Variants in RYR3 observed in about 807,000 individuals in gnomAD.
RYR3 encodes the protein brain ryanodine receptor-calcium release channel.
In RYR3, 207 loss-of-function variants were observed where a neutral mutation model predicts 584.3. The observed-to-expected ratio is 0.35, with a 90% CI of 0.32 to 0.40. RYR3 has a LOEUF of 0.40. RYR3 is among the 10% of genes least tolerant of loss of function. The pLI, the probability that RYR3 is intolerant of heterozygous loss-of-function variation, is 1.00. For missense variants in RYR3, 5,616 were observed against 6,089.2 expected (o/e 0.92, Z 2.59); for synonymous variants, 2,416 against 2,248.5 (o/e 1.07, Z -2.11).
intron 3 of RYR3, among the ~76,000 whole-genome samples, chr15:33,504,149 G>A (rs1256868535): frequency 2.6e-5 from 4 of 152,218 alleles, no homozygotes; most frequent in Admixed American, 6.5e-5. Flanking sequence ...AGTTACAACA[G>A]TTCAAACATG....
rs187558145 is a variant in RYR3, at chr15:33,344,580, G to T, written c.51+33484G>T. Among the ~76,000 whole-genome samples, 1,115 of 152,108 alleles carry T rather than the reference G, an allele frequency of 7.3e-3. 14 individuals are homozygous for T. Among genetic ancestry groups the T allele is most frequent in the African/African-American group, 0.026 (1,065 of 41,496 alleles). Reference sequence around the variant, plus strand: ...TAATTTTCCCAGGTGGAGTGTTTTTGTTCTGGGTGGTTCTTAAGACTACCA... The same window carrying T: ...TAATTTTCCCAGGTGGAGTGTTTTTTTTCTGGGTGGTTCTTAAGACTACCA... On this transcript the variant is annotated intron_variant, in intron 1 of 103. Transcript: ENST00000634891.
intron 3 of RYR3, among the ~76,000 whole-genome samples, chr15:33,516,270 C>G (rs537610809): frequency 2.6e-5 from 4 of 152,122 alleles, no homozygotes; most frequent in East Asian, 1.9e-4. Context: ...GCATGCCCCC[C>G]CCGAAATGAT....
chr15:33,601,559 C>G lies in RYR3; in HGVS notation c.1922+7C>G. Reference sequence around the variant, plus strand: ...TGATTAACGATGTAACCAGGTAAGGCCACCACCACCATTCCAAATGCCAAG... The same window carrying G: ...TGATTAACGATGTAACCAGGTAAGGGCACCACCACCATTCCAAATGCCAAG... On this transcript the variant is annotated splice_region_variant and intron_variant, in intron 17 of 103. Transcript: ENST00000634891. 11 of 1,598,128 alleles carry G rather than the reference C, an allele frequency of 6.9e-6. No individual in the cohort carries two copies. The highest frequency in any genetic ancestry group is 9.4e-6 in the Non-Finnish European group (11 of 1,166,694).
At chr15:33,746,518 G>C (rs2070731188) in intron 53 of RYR3, among the ~76,000 whole-genome samples, 1 of 152,118 alleles carries the variant, frequency 6.6e-6, no homozygotes, top group South Asian at 2.1e-4. Context: ...TTCAGACAAG[G>C]CCGGGTGTGG....
chr15:33,847,833 G>A (rs1427746777), intron 93 of RYR3, among the ~76,000 whole-genome samples: 3 of 152,076 alleles, frequency 2.0e-5, no homozygotes, highest in South Asian at 4.1e-4. Flanking sequence ...GACCTTCAAC[G>A]CCATGAGATA....
At chr15:33,503,563 G>A in intron 2 of RYR3, 68 bp from the exon 3 acceptor site, 2 of 900,710 alleles carry the variant, frequency 2.2e-6, no homozygotes, top group Non-Finnish European at 3.6e-6. Flanking sequence ...TTGCCCTTGA[G>A]ATGTTGTTGC....
At chr15:33,573,472 C>G (rs1344016827) in intron 12 of RYR3, among the ~76,000 whole-genome samples, 1 of 152,182 alleles carries the variant, frequency 6.6e-6, no homozygotes, top group Non-Finnish European at 1.5e-5. Flanking sequence ...CATGCTATCT[C>G]ATCATCCTCT....
intron 2 of RYR3, among the ~76,000 whole-genome samples, chr15:33,493,856 G>A (rs537657862): frequency 1.3e-5 from 2 of 152,318 alleles, no homozygotes; most frequent in South Asian, 2.1e-4. Flanking sequence ...GCTGAGGCGG[G>A]AGAGTCTCTT....
chr15:33,748,402 T>C (rs2070959399), intron 54 of RYR3, 66 bp from the exon 55 acceptor site: 4 of 1,558,096 alleles, frequency 2.6e-6, no homozygotes, highest in South Asian at 1.1e-5. Context: ...ACAGCTGAAG[T>C]TGGGGATGCC....
rs990820259 is a variant in RYR3 at position 33,473,247 on chromosome 15, G to A, written c.52-172G>A. On this transcript the variant is annotated intron_variant, in intron 1 of 103. Transcript: ENST00000634891. ...AGTTCTGACTCACGGTAGATGCTCC[G>A]TGATGTCCTGTGAATAAAAAATCTC... is the stretch of plus-strand genomic sequence containing the variant. The A allele has an allele frequency of 1.1e-4, 86 of 802,148 alleles. 3 individuals carry two copies. The highest frequency in any genetic ancestry group is 5.8e-4 in the South Asian group (43 of 74,076). The allele number at this position is 802,148 out of a possible 1,614,324, so 49.7% of individuals were successfully genotyped here. A position where few individuals can be genotyped will look rare whatever the true frequency, so the allele number is the denominator to read the frequency against.
chr15:33,754,646 C>T (rs576825585), intron 57 of RYR3, among the ~76,000 whole-genome samples: 8 of 152,306 alleles, frequency 5.3e-5, no homozygotes, highest in Non-Finnish European at 7.3e-5. Flanking sequence ...AGGCTGGGCG[C>T]GGTGGCCGGC....
Position 33,646,419 on chromosome 15 carries a change from A to C in RYR3, c.3834A>C (p.Thr1278=). 1 of 1,613,902 alleles carries C rather than the reference A, an allele frequency of 6.2e-7. No individual in the cohort carries two copies. Among genetic ancestry groups the C allele is most frequent in the Non-Finnish European group, 8.5e-7 (1 of 1,179,826 alleles). The change falls in exon 29 of 104, where the codon ACA becomes ACC. Residue 1278 remains threonine (T), a synonymous_variant. Coordinates refer to ENST00000634891, the MANE Select transcript of RYR3 (RefSeq NM_001036.6). ...CLKVTHKTFG[T]QNSNADMIYC... ...AGGTGACGCATAAGACATTTGGCAC[A>C]CAGAATAGCAATGCCGACATGATCT...
At chr15:33,578,767 A>G (rs1239826309) in intron 12 of RYR3, among the ~76,000 whole-genome samples, 4 of 20,316 alleles carry the variant, frequency 2.0e-4, no homozygotes, top group Non-Finnish European at 4.7e-4. Flanking sequence ...ACTTAGAATA[A>G]AAAAAAAAAA....
chr15:33,555,560 C>G (rs1006824181), intron 10 of RYR3, among the ~76,000 whole-genome samples: 1 of 152,088 alleles, frequency 6.6e-6, no homozygotes, highest in African/African-American at 2.4e-5. Flanking sequence ...GTGGAAGAAG[C>G]CTGGGTTTGA....
chr15:33,764,550 CAT>C (rs2072830971), intron 60 of RYR3, among the ~76,000 whole-genome samples: 1 of 149,982 alleles, frequency 6.7e-6, no homozygotes, highest in Non-Finnish European at 1.5e-5. Context: ...ACGTTCTGCA[CAT>C]GTGTCCCAGA....
chr15:33,787,889 A>G (rs2074841184), intron 66 of RYR3, among the ~76,000 whole-genome samples: 2 of 152,254 alleles, frequency 1.3e-5, no homozygotes, highest in African/African-American at 4.8e-5. Context: ...AGAATGGACT[A>G]TAAAATAATA....
At chr15:33,512,333 A>G (rs1033480513) in intron 3 of RYR3, among the ~76,000 whole-genome samples, 13 of 152,244 alleles carry the variant, frequency 8.5e-5, no homozygotes, top group African/African-American at 3.1e-4. Flanking sequence ...GAACCAGCAG[A>G]AGAATTAAAC....
chr15:33,794,318 T>TAA (rs1345619753), intron 67 of RYR3, among the ~76,000 whole-genome samples: 27 of 93,568 alleles, frequency 2.9e-4, no homozygotes, highest in East Asian at 7.0e-4. Flanking sequence ...TTTATATATA[T>TAA]ATATTTTTAT....
chr15:33,387,285 T>G (rs1375379116), intron 1 of RYR3, among the ~76,000 whole-genome samples: 1 of 152,260 alleles, frequency 6.6e-6, no homozygotes, highest in African/African-American at 2.4e-5. Flanking sequence ...AGTGCTGCTG[T>G]GAACATAGGT....
Sources: allele counts gnomAD v4.1 joint callset (sites outside exome capture counted in the v4.1 genomes callset), GRCh38; gene constraint gnomAD v4.1.1; transcripts MANE v1.5; gene names NCBI Gene and HGNC (gene_info 2026-07-23, HGNC 2026-07-21).